Variants in RIMS1 observed in about 807,000 individuals in gnomAD.
RIMS1 encodes regulating synaptic membrane exocytosis protein 1.
RIMS1 carries 83 observed loss-of-function variants against 214.1 expected under a neutral mutation model. The ratio of observed to expected loss-of-function variants is 0.39; its 90% CI spans 0.32 to 0.47. RIMS1 has a LOEUF of 0.47. RIMS1 is among the 20% of genes least tolerant of loss of function. The probability of loss-of-function intolerance (pLI) is 0.99; values close to 1 mark genes in which losing one functional copy is unlikely to be tolerated. For missense variants in RIMS1, 2,050 were observed against 2,161.8 expected, an observed-to-expected ratio of 0.95 and a Z score of 1.03; for synonymous variants, 793 against 786.8, an observed-to-expected ratio of 1.01 and a Z score of -0.13.
chr6:71,944,234 A>AT (rs1289475155), intron 1 of RIMS1, among the ~76,000 whole-genome samples: 1 of 152,228 alleles, frequency 6.6e-6, no homozygotes, highest in Non-Finnish European at 1.5e-5. Flanking sequence ...AATAGGCTAC[A>AT]TACATGTATG....
At chr6:72,023,273 G>C (rs1233201702) in intron 2 of RIMS1, among the ~76,000 whole-genome samples, 1 of 152,098 alleles carries the variant, frequency 6.6e-6, no homozygotes, top group African/African-American at 2.4e-5. Context: ...TTTTAGGTCT[G>C]ATTTATGATA....
intron 6 of RIMS1, chr6:72,216,852 G>C: frequency 9.8e-7 from 1 of 1,018,068 alleles, no homozygotes; most frequent in Non-Finnish European, 1.2e-6. Flanking sequence ...TAATTGAGGA[G>C]CTAAAAGAGC....
intron 2 of RIMS1, among the ~76,000 whole-genome samples, chr6:72,023,698 T>A (rs1030014793): frequency 7.2e-5 from 11 of 152,132 alleles, no homozygotes; most frequent in African/African-American, 2.7e-4. Context: ...TTAGACAGAA[T>A]TGTTACATAG....
chr6:72,187,479 G>T (rs201382088), intron 6 of RIMS1, among the ~76,000 whole-genome samples: 230 of 125,482 alleles, frequency 1.8e-3, no homozygotes, highest in Middle Eastern at 4.7e-3. Flanking sequence ...TATCCTTTTT[G>T]TTTTTTTTTT....
At chr6:71,935,517 T>C (rs191872589) in intron 1 of RIMS1, among the ~76,000 whole-genome samples, 246 of 152,334 alleles carry the variant, frequency 1.6e-3, no homozygotes, top group African/African-American at 5.7e-3. Context: ...AGGGTTTTCT[T>C]AAGCAAATGT....
chr6:72,054,149 C>T (rs1825491200), intron 2 of RIMS1, among the ~76,000 whole-genome samples: 1 of 151,768 alleles, frequency 6.6e-6, no homozygotes, highest in Non-Finnish European at 1.5e-5. Flanking sequence ...CATTGTTCAT[C>T]TCCTACTTAT....
chr6:72,001,506 C>T (rs1202345230), intron 2 of RIMS1, among the ~76,000 whole-genome samples: 1 of 152,016 alleles, frequency 6.6e-6, no homozygotes, highest in Non-Finnish European at 1.5e-5. Flanking sequence ...TCCCTACTCA[C>T]CCCCTGCCCC....
intron 1 of RIMS1, 65 bp downstream of exon 1, chr6:71,887,252 C>T: frequency 6.5e-7 from 1 of 1,544,460 alleles, no homozygotes; most frequent in Non-Finnish European, 8.8e-7. Context: ...ACCACTCACT[C>T]CCCTAGTCCT....
intron 24 of RIMS1, 31 bp from the exon 25 acceptor site, chr6:72,290,648 C>G: frequency 6.3e-7 from 1 of 1,596,434 alleles, no homozygotes; most frequent in Non-Finnish European, 8.6e-7. Flanking sequence ...AACCTGCTGA[C>G]TGAAGATCTT....
At chr6:72,066,564 G>A (rs892852601) in intron 2 of RIMS1, among the ~76,000 whole-genome samples, 1 of 151,992 alleles carries the variant, frequency 6.6e-6, no homozygotes, top group African/African-American at 2.4e-5. Flanking sequence ...ACTCTTCCCT[G>A]TGCTCAAAAG....
chr6:72,087,588 C>A (rs1834985111), intron 2 of RIMS1, among the ~76,000 whole-genome samples: 1 of 152,106 alleles, frequency 6.6e-6, no homozygotes, highest in African/African-American at 2.4e-5. Flanking sequence ...ATTCCTTGGC[C>A]CCCCAGAAAG....
intron 1 of RIMS1, among the ~76,000 whole-genome samples, chr6:71,950,423 C>T (rs1014666406): frequency 6.6e-6 from 1 of 151,898 alleles, no homozygotes; most frequent in Non-Finnish European, 1.5e-5. Flanking sequence ...GTAAGAACAC[C>T]AGAAACTAGT....
intron 1 of RIMS1, among the ~76,000 whole-genome samples, chr6:71,939,825 T>C (rs1387286944): frequency 4.6e-5 from 7 of 152,184 alleles, no homozygotes; most frequent in African/African-American, 1.4e-4. Flanking sequence ...GAGGAGACAT[T>C]CAAACAGTGG....
chr6:72,092,225 A>G (rs1030802749), intron 2 of RIMS1, among the ~76,000 whole-genome samples: 1 of 152,124 alleles, frequency 6.6e-6, no homozygotes, highest in Admixed American at 6.6e-5. Flanking sequence ...GTAGATTTTA[A>G]GGACGTAGGA....
chr6:72,099,940 T>G lies in RIMS1; in HGVS notation c.460-35T>G, dbSNP rs1202284824. On this transcript the variant is annotated intron_variant, in intron 3 of 33. Transcript: ENST00000521978. ...TTTGTTTTTCTTTTCTTTGTCTTCT[T>G]TCTCTACTCTGCTTCCTTGGATGCT... 3.1e-6 allele frequency: 5 copies of G among 1,588,280 alleles called. No homozygotes were observed. The Admixed American group carries it at 8.4e-5, about 27-fold the overall frequency.
At chr6:72,012,583 G>T (rs1314363481) in intron 2 of RIMS1, among the ~76,000 whole-genome samples, 3 of 152,088 alleles carry the variant, frequency 2.0e-5, no homozygotes, top group Non-Finnish European at 2.9e-5. Context: ...AAGCAACCTG[G>T]GTATATGTTT....
At chr6:71,994,535 C>T (rs1802820584) in intron 2 of RIMS1, among the ~76,000 whole-genome samples, 1 of 152,118 alleles carries the variant, frequency 6.6e-6, no homozygotes, top group Non-Finnish European at 1.5e-5. Context: ...ATAATGGGGA[C>T]ATTTTGTCAC....
chr6:72,001,531 G>A (rs1805257447), intron 2 of RIMS1, among the ~76,000 whole-genome samples: 1 of 152,002 alleles, frequency 6.6e-6, no homozygotes, highest in African/African-American at 2.4e-5. Context: ...ACACCTGAAT[G>A]TGCTCTTTGT....
At chr6:72,388,609 G>A (rs999683918) in intron 29 of RIMS1, among the ~76,000 whole-genome samples, 5 of 152,326 alleles carry the variant, frequency 3.3e-5, no homozygotes, top group Admixed American at 1.3e-4. Flanking sequence ...TACGGGTATG[G>A]CACTGCTCTT....
Sources: allele counts gnomAD v4.1 joint callset (sites outside exome capture counted in the v4.1 genomes callset), GRCh38; gene constraint gnomAD v4.1.1; transcripts MANE v1.5; gene names NCBI Gene and HGNC (gene_info 2026-07-23, HGNC 2026-07-21).